NRG3: variants seen among roughly 807,000 people sequenced by gnomAD.
The protein encoded by NRG3 is pro-neuregulin-3, membrane-bound isoform.
Under a neutral mutation model 66.9 loss-of-function variants are expected in NRG3, and 31 were observed. That is an observed-to-expected ratio of 0.46 (90% confidence interval 0.35 to 0.63). The LOEUF is 0.63. Among genes scored for constraint, NRG3 ranks in the 20% least tolerant of loss-of-function variants. The probability of loss-of-function intolerance (pLI) is 0.00; values close to 1 mark genes in which losing one functional copy is unlikely to be tolerated. For synonymous variants in NRG3, 393 were observed against 359.4 expected, an observed-to-expected ratio of 1.09 and a Z score of -1.06; for missense variants, 910 against 878.9, an observed-to-expected ratio of 1.04 and a Z score of -0.45.
intron 2 of NRG3, among the ~76,000 whole-genome samples, chr10:82,415,206 G>A (rs1198734235): frequency 6.6e-6 from 1 of 152,104 alleles, no homozygotes; most frequent in Non-Finnish European, 1.5e-5. Context: ...AGAAATGAAA[G>A]CAATTCATGA....
At chr10:82,104,905 A>G (rs958304166) in intron 1 of NRG3, among the ~76,000 whole-genome samples, 12 of 152,200 alleles carry the variant, frequency 7.9e-5, no homozygotes, top group African/African-American at 2.4e-4. Context: ...ATAATCACAT[A>G]AAACACTTTA....
At chr10:82,164,467 T>C (rs2071874970) in intron 1 of NRG3, among the ~76,000 whole-genome samples, 1 of 152,160 alleles carries the variant, frequency 6.6e-6, no homozygotes, top group South Asian at 2.1e-4. Flanking sequence ...CATCTAACTC[T>C]ACATTTGTAC....
In NRG3 at chr10:82,334,095, G is replaced by A. The variant is rs185506370; in HGVS notation, c.824-24644G>A. On this transcript the variant is annotated intron_variant, in intron 1 of 8. Coordinates refer to ENST00000372141, the MANE Select transcript of NRG3 (RefSeq NM_001010848.4). ...TGAGGCAGGAGAATGGCGTGAACCCGGAAGGCGGAGCTTGCAGTGAGCCCA... is the reference window on the plus strand; with the variant it reads ...TGAGGCAGGAGAATGGCGTGAACCCAGAAGGCGGAGCTTGCAGTGAGCCCA... 7.6e-3 allele frequency among the ~76,000 whole-genome samples: 1,132 copies of A among 148,704 alleles called. 13 individuals are homozygous for A. Among genetic ancestry groups the A allele is most frequent in the African/African-American group, 0.026 (1,043 of 39,950 alleles).
chr10:82,136,336 C>G (rs1302851932), intron 1 of NRG3, among the ~76,000 whole-genome samples: 1 of 152,100 alleles, frequency 6.6e-6, no homozygotes, highest in Non-Finnish European at 1.5e-5. Flanking sequence ...TTGCCTGGCT[C>G]CCACCTATGT....
At chr10:82,300,937 C>T (rs1057401179) in intron 1 of NRG3, among the ~76,000 whole-genome samples, 6 of 151,814 alleles carry the variant, frequency 4.0e-5, no homozygotes, top group Non-Finnish European at 8.8e-5. Context: ...TCAAATTCAG[C>T]CTGGGCAACC....
At position 82,304,052 on chromosome 10, in the gene NRG3, A is replaced by G. The variant is rs563797597; in HGVS notation, c.824-54687A>G. On this transcript the variant is annotated intron_variant, in intron 1 of 8. Coordinates refer to ENST00000372141, the MANE Select transcript of NRG3 (RefSeq NM_001010848.4). ...CCCAGAAGTAGAATTGGGGTATAAGAGTGTGGGTTTGTATATTTTTATTAG... is the reference window on the plus strand; with the variant it reads ...CCCAGAAGTAGAATTGGGGTATAAGGGTGTGGGTTTGTATATTTTTATTAG... Among the ~76,000 whole-genome samples, 16 of 152,112 alleles carry G rather than the reference A, an allele frequency of 1.1e-4. No individual in the cohort carries two copies. In the East Asian group the frequency reaches 3.1e-3, roughly 30 times the overall value.
At chr10:82,237,684 G>C (rs1391312148) in intron 1 of NRG3, among the ~76,000 whole-genome samples, 1 of 151,980 alleles carries the variant, frequency 6.6e-6, no homozygotes, top group African/African-American at 2.4e-5. Flanking sequence ...ATTTTCCTCT[G>C]AGCATAAATG....
At chr10:82,327,251 G>A (rs2081920456) in intron 1 of NRG3, among the ~76,000 whole-genome samples, 1 of 152,168 alleles carries the variant, frequency 6.6e-6, no homozygotes, top group African/African-American at 2.4e-5. Flanking sequence ...CTGAGCATCA[G>A]TGGTAAAACA....
At chr10:82,745,045 G>T (rs2058587322) in intron 3 of NRG3, among the ~76,000 whole-genome samples, 2 of 152,254 alleles carry the variant, frequency 1.3e-5, no homozygotes, top group South Asian at 2.1e-4. Context: ...AAGTAAAAAT[G>T]CATGAAGAAG....
At chr10:82,858,947 T>TAAC (rs2063959776) in intron 3 of NRG3, among the ~76,000 whole-genome samples, 1 of 108,114 alleles carries the variant, frequency 9.2e-6, no homozygotes, top group African/African-American at 3.7e-5. Context: ...TCTAACTTTT[T>TAAC]TTTTTTTTTT....
intron 1 of NRG3, among the ~76,000 whole-genome samples, chr10:82,305,312 A>G (rs2080663392): frequency 6.6e-6 from 1 of 151,992 alleles, no homozygotes; most frequent in South Asian, 2.1e-4. Flanking sequence ...TCAGATTCTT[A>G]AAGCAGGTTT....
intron 2 of NRG3, among the ~76,000 whole-genome samples, chr10:82,573,052 G>A (rs1379405532): frequency 6.6e-6 from 1 of 151,848 alleles, no homozygotes; most frequent in African/African-American, 2.4e-5. Context: ...AGGGAAGGCA[G>A]AAGACAGACA....
chr10:82,399,105 G>T (rs1404823953), intron 2 of NRG3, among the ~76,000 whole-genome samples: 3 of 152,104 alleles, frequency 2.0e-5, no homozygotes, highest in African/African-American at 4.8e-5. Flanking sequence ...GTACTATCTG[G>T]AATACATGCC....
At chr10:82,829,817 T>C (rs1034210159) in intron 3 of NRG3, among the ~76,000 whole-genome samples, 1 of 152,160 alleles carries the variant, frequency 6.6e-6, no homozygotes, top group Non-Finnish European at 1.5e-5. Flanking sequence ...ACTAATAAAT[T>C]ATCCCAATCT....
chr10:82,555,191 G>A (rs1438369305), intron 2 of NRG3, among the ~76,000 whole-genome samples: 2 of 152,102 alleles, frequency 1.3e-5, no homozygotes, highest in African/African-American at 4.8e-5. Context: ...TTTTTCTATA[G>A]ATTAACCTTA....
chr10:82,844,231 C>T (rs1053189907), intron 3 of NRG3, among the ~76,000 whole-genome samples: 1 of 152,112 alleles, frequency 6.6e-6, no homozygotes, highest in Admixed American at 6.6e-5. Flanking sequence ...AAAAACATTT[C>T]CTTAAGTGTC....
chr10:82,875,945 G>C (rs753649379), intron 4 of NRG3, among the ~76,000 whole-genome samples: 1 of 152,116 alleles, frequency 6.6e-6, no homozygotes, highest in Admixed American at 6.5e-5. Flanking sequence ...GATAATTTTC[G>C]GGTGAGATTA....
At chr10:82,323,349 T>C (rs570865118) in intron 1 of NRG3, among the ~76,000 whole-genome samples, 6 of 152,204 alleles carry the variant, frequency 3.9e-5, no homozygotes, top group Non-Finnish European at 5.9e-5. Context: ...ACCTCAATAG[T>C]GTCAGCCAGG....
intron 4 of NRG3, among the ~76,000 whole-genome samples, chr10:82,911,861 A>G (rs1046506099): frequency 1.4e-4 from 21 of 151,828 alleles, no homozygotes; most frequent in African/African-American, 5.1e-4. Context: ...CTTTTCTAAT[A>G]TATTCATTAA....
Sources: allele counts gnomAD v4.1 joint callset (sites outside exome capture counted in the v4.1 genomes callset), GRCh38; gene constraint gnomAD v4.1.1; transcripts MANE v1.5; gene names NCBI Gene and HGNC (gene_info 2026-07-23, HGNC 2026-07-21).